Variants in FST observed in about 807,000 individuals in gnomAD.
FST encodes activin-binding protein.
Under a neutral mutation model 38.4 loss-of-function variants are expected in FST, and 6 were observed. The observed-to-expected ratio is 0.16, with a 90% CI of 0.09 to 0.31. The LOEUF is 0.31. Ranked by LOEUF, FST falls within the 10% of genes least tolerant of loss-of-function variation. The probability of loss-of-function intolerance (pLI) is 1.00; values close to 1 mark genes in which losing one functional copy is unlikely to be tolerated. For missense variants in FST, 301 were observed against 432.3 expected (o/e 0.70, Z 2.69); for synonymous variants, 157 against 169.8 (o/e 0.92, Z 0.59).
chr5:53,482,575 C>G (rs549303274), intron 1 of FST: 1 of 429,994 alleles, frequency 2.3e-6, no homozygotes, highest in African/African-American at 2.0e-5. Context: ...CGTGTTGTGT[C>G]TGGGTCACTG....
chr5:53,485,547 T>C (rs376165137), intron 5 of FST: 4 of 27,524 alleles, frequency 1.5e-4, no homozygotes, highest in Non-Finnish European at 1.8e-4. Context: ...GCTTCAAAAG[T>C]TTTTTTTTTT....
At position 53,486,212 on chromosome 5, in the gene FST, T is replaced by G. The variant is rs1747545837; in HGVS notation, c.*179T>G. The G allele has an allele frequency of 2.2e-6, 1 of 460,780 alleles. No individual in the cohort carries two copies. Among genetic ancestry groups the G allele is most frequent in the Non-Finnish European group, 3.7e-6 (1 of 266,988 alleles). 28.5% of individuals were successfully genotyped at this position (460,780 alleles called of 1,614,324 possible). A position where few individuals can be genotyped will look rare whatever the true frequency, so the allele number is the denominator to read the frequency against. On this transcript the variant is annotated 3_prime_UTR_variant, in exon 6 of 6. Coordinates refer to ENST00000256759, the MANE Select transcript of FST (RefSeq NM_013409.3). ...CCTAAAGCTCTCTCCCAGGCCACCT[T>G]GTTACTCATTGGACACGGAGAGGCA...
chr5:53,486,089 A>AAT lies in FST; in HGVS notation c.*57_*58insTA, dbSNP rs1561300700. 1.1e-6 allele frequency: 1 copy of AAT among 895,546 alleles called. No homozygotes were observed. Among genetic ancestry groups the AAT allele is most frequent in the Non-Finnish European group, 1.7e-6 (1 of 582,926 alleles). The allele number at this position is 895,546 out of a possible 1,614,324, so 55.5% of individuals were successfully genotyped here. A position where few individuals can be genotyped will look rare whatever the true frequency, so the allele number is the denominator to read the frequency against. Reference sequence around the variant, plus strand: ...CCTTTGTGCAAAAAAAAAAAAAAAAAAAAAGAAAAAGAAAAAAAGAAAAAT... The same window carrying AAT: ...CCTTTGTGCAAAAAAAAAAAAAAAAAATAAAAGAAAAAGAAAAAAAGAAAAAT... On this transcript the variant is annotated 3_prime_UTR_variant, in exon 6 of 6. Coordinates refer to ENST00000256759, the MANE Select transcript of FST (RefSeq NM_013409.3).
intron 1 of FST, chr5:53,482,645 T>A: frequency 2.3e-6 from 1 of 441,524 alleles, no homozygotes; most frequent in Non-Finnish European, 4.0e-6. Context: ...TCCCTCCCTC[T>A]CGCCCACCTC....
At chr5:53,482,080 G>C (rs1251357932) in intron 1 of FST, among the ~76,000 whole-genome samples, 1 of 152,242 alleles carries the variant, frequency 6.6e-6, no homozygotes, top group Non-Finnish European at 1.5e-5. Context: ...GGTGGCCGCG[G>C]GCGTGCTCCG....
rs955494582 is a variant in FST, at chr5:53,486,636, A to G, written c.*603A>G. On this transcript the variant is annotated 3_prime_UTR_variant, in exon 6 of 6. Coordinates refer to ENST00000256759, the MANE Select transcript of FST (RefSeq NM_013409.3). ...AAGGAACCTTGACTGACCAAAAGGC[A>G]TTATAACTCTGACTCAAATACAAGG... 22 of 152,254 alleles carry G rather than the reference A, an allele frequency of 1.4e-4. No individual in the cohort carries two copies. Among genetic ancestry groups the G allele is most frequent in the African/African-American group, 5.3e-4 (22 of 41,458 alleles). 9.4% of individuals were successfully genotyped at this position (152,254 alleles called of 1,614,324 possible).
rs754987371 is a variant in FST, at chr5:53,486,038, T to G, written c.*5T>G. Reference sequence around the variant, plus strand: ...TCTTCTATTCTAGAGTGGTAAACTCTCTATAAGTGTTCAGTGTTGACATAG... The same window carrying G: ...TCTTCTATTCTAGAGTGGTAAACTCGCTATAAGTGTTCAGTGTTGACATAG... On this transcript the variant is annotated 3_prime_UTR_variant, in exon 6 of 6. Coordinates refer to ENST00000256759, the MANE Select transcript of FST (RefSeq NM_013409.3). 1 of 1,180,804 alleles carries G rather than the reference T, an allele frequency of 8.5e-7. No homozygotes were observed. Among genetic ancestry groups the G allele is most frequent in the Non-Finnish European group, 1.2e-6 (1 of 831,362 alleles). 73.1% of individuals were successfully genotyped at this position (1,180,804 alleles called of 1,614,324 possible).
At chr5:53,482,624 C>G in intron 1 of FST, 124 of 428,634 alleles carry the variant, frequency 2.9e-4, no homozygotes, top group Middle Eastern at 5.9e-4. Context: ...CCTGTCTTCT[C>G]CCTCTCTCCC....
chr5:53,483,222 A>G lies in FST; in HGVS notation c.277+151A>G. ...TGCCCTGGTAAGCCGTGCAGACTCT[A>G]ATTCTGCCTGTTACAGGCTGTAGGG... is the stretch of plus-strand genomic sequence containing the variant. On this transcript the variant is annotated intron_variant, in intron 2 of 5. Coordinates refer to ENST00000256759, the MANE Select transcript of FST (RefSeq NM_013409.3). This position sits in a 1 kb window ranked among gnomAD's most constrained non-coding sequence, Gnocchi z 4.1. The G allele has an allele frequency of 1.6e-6, 1 of 644,330 alleles. No individual in the cohort carries two copies. Among genetic ancestry groups the G allele is most frequent in the Non-Finnish European group, 2.7e-6 (1 of 364,478 alleles). The allele number at this position is 644,330 out of a possible 1,614,324, so 39.9% of individuals were successfully genotyped here.
intron 1 of FST, 171 bp from the exon 2 acceptor site, chr5:53,482,709 A>C (rs1439736598): frequency 1.7e-4 from 81 of 470,970 alleles, no homozygotes; most frequent in South Asian, 5.3e-4. Flanking sequence ...CCACCCCTCC[A>C]CCCCTTTCGA....
At chr5:53,482,156 G>A (rs1241792595) in intron 1 of FST, among the ~76,000 whole-genome samples, 1 of 152,242 alleles carries the variant, frequency 6.6e-6, no homozygotes, top group Admixed American at 6.5e-5. Context: ...GGGTAGCTCC[G>A]GGCTGGGCCG....
At chr5:53,480,923 G>T (rs1166095916) in intron 1 of FST, 47 bp downstream of exon 1, 2 of 1,113,946 alleles carry the variant, frequency 1.8e-6, no homozygotes, top group South Asian at 1.4e-5. Flanking sequence ...AGGACAGGGG[G>T]GTCGACTTTT....
intron 5 of FST, chr5:53,485,588 C>A: frequency 1.3e-6 from 1 of 779,210 alleles, no homozygotes. Flanking sequence ...TATTATCACA[C>A]ATGGGCTGCT....
chr5:53,486,089 A>G lies in FST; in HGVS notation c.*56A>G, dbSNP rs1016961013. On this transcript the variant is annotated 3_prime_UTR_variant, in exon 6 of 6. Coordinates refer to ENST00000256759, the MANE Select transcript of FST (RefSeq NM_013409.3). ...CCTTTGTGCAAAAAAAAAAAAAAAA[A>G]AAAAGAAAAAGAAAAAAAGAAAAAT... 3.2e-4 allele frequency: 291 copies of G among 895,664 alleles called. 5 individuals carry two copies. In the Admixed American group the frequency reaches 6.7e-3, roughly 21 times the overall value. The allele number at this position is 895,664 out of a possible 1,614,324, so 55.5% of individuals were successfully genotyped here.
chr5:53,485,619 C>T, intron 5 of FST: 4 of 967,560 alleles, frequency 4.1e-6, no homozygotes, highest in Non-Finnish European at 6.7e-6. Context: ...GTTGCCTCTA[C>T]TAACTCTGAA....
At chr5:53,482,768 G>C in intron 1 of FST, 112 bp from the exon 2 acceptor site, 6 of 538,734 alleles carry the variant, frequency 1.1e-5, no homozygotes, top group South Asian at 8.8e-5. Flanking sequence ...CCTCCTCCAC[G>C]CTCACCCCCT....
In FST at chr5:53,483,547, A is replaced by G; in HGVS notation, c.321A>G (p.Arg107=). 2 of 1,614,194 alleles carry G rather than the reference A, an allele frequency of 1.2e-6. No homozygotes were observed. Among genetic ancestry groups the G allele is most frequent in the Middle Eastern group, 3.3e-4 (2 of 6,062 alleles). The stretch of plus-strand genomic sequence containing the variant: ...ACTGTGGACCTGGGAAAAAATGCCG[A>G]ATGAACAAGAAGAACAAACCCCGCT... ...NVDCGPGKKC[R]MNKKNKPRCV... is the part of the protein sequence containing the mutation. The change falls in exon 3 of 6, where the codon CGA becomes CGG. Residue 107 remains arginine, a synonymous_variant. Coordinates refer to ENST00000256759, the MANE Select transcript of FST (RefSeq NM_013409.3). This position sits in a 1 kb window ranked among gnomAD's most constrained non-coding sequence, Gnocchi z 4.1.
chr5:53,481,476 A>AAAAAC (rs1747205454), intron 1 of FST, among the ~76,000 whole-genome samples: 1 of 150,052 alleles, frequency 6.7e-6, no homozygotes, highest in Non-Finnish European at 1.5e-5. Flanking sequence ...AAAAAAAAAA[A>AAAAAC]AAAAAAAAAA....
chr5:53,481,483 A>AAAAAAAAAAAAAAC (rs1747207753), intron 1 of FST, among the ~76,000 whole-genome samples: 1 of 146,878 alleles, frequency 6.8e-6, no homozygotes, highest in Non-Finnish European at 1.5e-5. Context: ...AAAAAAAAAA[A>AAAAAAAAAAAAAAC]AAAGCCAAAT....
Sources: allele counts gnomAD v4.1 joint callset (sites outside exome capture counted in the v4.1 genomes callset), GRCh38; gene constraint gnomAD v4.1.1; non-coding constraint Gnocchi (gnomAD v3.1); transcripts MANE v1.5; gene names NCBI Gene and HGNC (gene_info 2026-07-23, HGNC 2026-07-21).